The following SAMD5 variants were observed in gnomAD, a reference collection of about 807,000 sequenced individuals.
SAMD5 encodes sterile alpha motif domain containing 5.
Under a neutral mutation model 11.3 loss-of-function variants are expected in SAMD5, and 13 were observed. The observed-to-expected ratio is 1.15, with a 90% CI of 0.75 to 1.83. The LOEUF (loss-of-function observed/expected upper bound fraction) is 1.83. Ranked by LOEUF, SAMD5 falls within the 40% of genes most tolerant of loss-of-function variation. The probability of loss-of-function intolerance (pLI) is 0.00; values close to 1 mark genes in which losing one functional copy is unlikely to be tolerated. For missense variants in SAMD5, 255 were observed against 239.1 expected, an observed-to-expected ratio of 1.07 and a Z score of -0.44; for synonymous variants, 129 against 111.3, an observed-to-expected ratio of 1.16 and a Z score of -1.00.
the SAMD5 span, among the ~76,000 whole-genome samples, chr6:147,908,855 A>G: frequency 6.6e-5 from 10 of 152,258 alleles, no homozygotes; most frequent in East Asian, 1.9e-4. Context: ...AGAAGCCCCA[A>G]AAGTGAATGT....
At chr6:147,910,838 A>G in the SAMD5 span, among the ~76,000 whole-genome samples, 1 of 152,240 alleles carries the variant, frequency 6.6e-6, no homozygotes, top group Admixed American at 6.5e-5. Flanking sequence ...TTACAAATAT[A>G]TTTTGTAATG....
chr6:147,915,230 C>T, the SAMD5 span, among the ~76,000 whole-genome samples: 2 of 152,072 alleles, frequency 1.3e-5, no homozygotes, highest in African/African-American at 4.8e-5. Flanking sequence ...GCTGAAGTAC[C>T]TAGGAGAAAT....
chr6:147,678,026 C>T (rs1031565779), intron 1 of SAMD5, among the ~76,000 whole-genome samples: 1 of 152,110 alleles, frequency 6.6e-6, no homozygotes, highest in Non-Finnish European at 1.5e-5. Flanking sequence ...ATTTACTCCA[C>T]TGAGGGGTGG....
Position 147,566,134 on chromosome 6 carries a change from A to C in SAMD5, c.*1678A>C, listed in dbSNP as rs1789036834. On this transcript the variant is annotated 3_prime_UTR_variant, in exon 2 of 2. Coordinates refer to ENST00000367474, the MANE Select transcript of SAMD5 (RefSeq NM_001030060.3). ...AATCTGAAGTTTAAATAGTTTAGCT[A>C]TTTCTGTAGGTTAATTCAGGCACTG... is the stretch of plus-strand genomic sequence containing the variant. 1.0e-6 allele frequency: 1 copy of C among 982,414 alleles called. No homozygotes were observed. The highest frequency in any genetic ancestry group is 1.7e-5 in the African/African-American group (1 of 57,174). The allele number at this position is 982,414 out of a possible 1,614,324, so 60.9% of individuals were successfully genotyped here.
intron 1 of SAMD5, among the ~76,000 whole-genome samples, chr6:147,728,518 T>G (rs1026495865): frequency 2.0e-5 from 3 of 152,102 alleles, no homozygotes; most frequent in Non-Finnish European, 4.4e-5. Flanking sequence ...TAGACCTGAG[T>G]CTGATCAAGC....
rs145277516 is a variant in SAMD5, at chr6:147,669,603, G to A, written c.163-67714G>A. Among the ~76,000 whole-genome samples the A allele has an allele frequency of 3.0e-3, 461 of 151,508 alleles. 1 individual carries two copies. Among genetic ancestry groups the A allele is most frequent in the African/African-American group, 0.011 (443 of 41,304 alleles). ...CCACCACACCCAGCAGCTAATTTTT[G>A]TATTTTTAGTAGAGATGGGGTTTCA... On this transcript the variant is annotated intron_variant, in intron 1 of 1. Coordinates refer to the SAMD5 transcript ENST00000566741.
downstream of SAMD5, among the ~76,000 whole-genome samples, chr6:147,570,550 T>C (rs1789121704): frequency 6.6e-6 from 1 of 152,170 alleles, no homozygotes; most frequent in African/African-American, 2.4e-5. Flanking sequence ...CTGTGCATGC[T>C]TAACACAGTC....
rs893535104 is a variant in SAMD5, at chr6:147,623,860, CT to C, written c.163-113448del. 2.3e-4 allele frequency among the ~76,000 whole-genome samples: 35 copies of C among 151,230 alleles called. 1 individual carries two copies. Among genetic ancestry groups the C allele is most frequent in the South Asian group, 1.3e-3 (6 of 4,758 alleles). On this transcript the variant is annotated intron_variant, in intron 1 of 1. Coordinates refer to the SAMD5 transcript ENST00000566741. ...ATTTCCTGGATCAGTTTATTTTAGTCTTTTTTTTTATTTTTTTATTTTTAAT... is the reference window on the plus strand; with the variant it reads ...ATTTCCTGGATCAGTTTATTTTAGTCTTTTTTTTATTTTTTTATTTTTAAT...
At chr6:147,820,308 G>T in the SAMD5 span, among the ~76,000 whole-genome samples, 1 of 152,042 alleles carries the variant, frequency 6.6e-6, no homozygotes, top group Admixed American at 6.6e-5. Flanking sequence ...ACGTTAAAAA[G>T]AATTTAAAAA....
chr6:147,615,270 A>G (rs1364315436), intron 1 of SAMD5, among the ~76,000 whole-genome samples: 1 of 152,204 alleles, frequency 6.6e-6, no homozygotes, highest in Admixed American at 6.5e-5. Context: ...ACACAGTCAA[A>G]CAAAGCATAT....
the SAMD5 span, among the ~76,000 whole-genome samples, chr6:147,748,508 T>A: frequency 3.9e-5 from 6 of 152,238 alleles, no homozygotes; most frequent in South Asian, 8.3e-4. Flanking sequence ...AAGTGATTTT[T>A]ATCATCATTA....
At chr6:147,714,960 T>C (rs1454581008) in intron 1 of SAMD5, among the ~76,000 whole-genome samples, 1 of 152,242 alleles carries the variant, frequency 6.6e-6, no homozygotes, top group Non-Finnish European at 1.5e-5. Context: ...CTATTATTAA[T>C]ACATATATTT....
chr6:147,746,861 G>T, the SAMD5 span, among the ~76,000 whole-genome samples: 1 of 152,180 alleles, frequency 6.6e-6, no homozygotes, highest in South Asian at 2.1e-4. Flanking sequence ...CAAAAATAAG[G>T]CATGCAAAAG....
chr6:147,575,373 CATTCTTTTCTCAAATGGCCATTAA>C (rs572191916), intron 1 of SAMD5, among the ~76,000 whole-genome samples: 2 of 152,356 alleles, frequency 1.3e-5, no homozygotes. Context: ...GACAGTAACT[CATTCTTTTCTCAAATGGCCATTAA>C]ATGGTTTCTT....
intron 1 of SAMD5, among the ~76,000 whole-genome samples, chr6:147,541,832 A>G (rs1183080603): frequency 6.6e-6 from 1 of 152,122 alleles, no homozygotes; most frequent in African/African-American, 2.4e-5. Context: ...AGTCTCCCAA[A>G]CCAGGACTCT....
chr6:147,949,973 A>G, the SAMD5 span, among the ~76,000 whole-genome samples: 2 of 152,238 alleles, frequency 1.3e-5, no homozygotes, highest in Non-Finnish European at 2.9e-5. Flanking sequence ...TGCTGATAAT[A>G]AGAAATATGA....
At chr6:147,760,700 A>G in the SAMD5 span, among the ~76,000 whole-genome samples, 1 of 152,214 alleles carries the variant, frequency 6.6e-6, no homozygotes, top group Non-Finnish European at 1.5e-5. Context: ...GGTAAATAAG[A>G]CAGTGTAGGC....
chr6:147,916,084 A>C, the SAMD5 span, among the ~76,000 whole-genome samples: 1 of 152,040 alleles, frequency 6.6e-6, no homozygotes, highest in Middle Eastern at 3.2e-3. Context: ...ACATGAACTC[A>C]TCATTTTTTA....
the SAMD5 span, among the ~76,000 whole-genome samples, chr6:147,775,242 C>T: frequency 2.0e-5 from 3 of 152,150 alleles, no homozygotes; most frequent in Admixed American, 1.3e-4. Context: ...CTGACTCTGC[C>T]ATTTTCTAGC....
Sources: allele counts gnomAD v4.1 joint callset (sites outside exome capture counted in the v4.1 genomes callset), GRCh38; gene constraint gnomAD v4.1.1; transcripts MANE v1.5; gene names NCBI Gene and HGNC (gene_info 2026-07-23, HGNC 2026-07-21).